Variants in RBFOX3 observed in about 807,000 individuals in gnomAD.
The protein encoded by RBFOX3 is RNA binding protein fox-1 homolog 3.
A neutral mutation model predicts 48.7 loss-of-function variants in RBFOX3; 17 were observed. That is an observed-to-expected ratio of 0.35 (90% CI 0.24 to 0.52). The LOEUF is 0.52. RBFOX3 is among the 20% of genes least tolerant of loss of function. RBFOX3 has a pLI of 0.94. For synonymous variants in RBFOX3, 212 were observed against 209.5 expected (o/e 1.01, Z -0.10); for missense variants, 382 against 497.5 (o/e 0.77, Z 2.21).
chr17:79,509,055 G>A (rs1462644092), intron 1 of RBFOX3, among the ~76,000 whole-genome samples: 1 of 152,202 alleles, frequency 6.6e-6, no homozygotes, highest in African/African-American at 2.4e-5. Flanking sequence ...GCCCAGGGCA[G>A]GCAGACACTA....
At chr17:79,181,398 C>T (rs1005546035) in intron 4 of RBFOX3, among the ~76,000 whole-genome samples, 2 of 152,236 alleles carry the variant, frequency 1.3e-5, no homozygotes, top group African/African-American at 4.8e-5. Flanking sequence ...CATGGAAAAC[C>T]GGGAGGGGCT....
rs928281399 is a variant in RBFOX3, at chr17:79,111,962, C to T, written c.222+3532G>A. ...TTTGTCCAGAGAAGGCAGGTGATGT[C>T]GTGGTGAGCGGTGAGAGAAACGGAG... On this transcript the variant is annotated intron_variant, in intron 5 of 14. Transcript: ENST00000693108. This position sits in a 1 kb window ranked among gnomAD's most constrained non-coding sequence, Gnocchi z 4.2. 3.3e-5 allele frequency among the ~76,000 whole-genome samples: 5 copies of T among 152,216 alleles called. No homozygotes were observed. The highest frequency in any genetic ancestry group is 1.3e-4 in the Admixed American group (2 of 15,290).
intron 2 of RBFOX3, among the ~76,000 whole-genome samples, chr17:79,455,536 C>T (rs2074324051): frequency 6.6e-6 from 1 of 152,096 alleles, no homozygotes; most frequent in African/African-American, 2.4e-5. Flanking sequence ...AACCTTTGAG[C>T]AGAGGCCAGG....
chr17:79,382,374 C>G (rs2060031041), intron 2 of RBFOX3, among the ~76,000 whole-genome samples: 2 of 152,348 alleles, frequency 1.3e-5, no homozygotes, highest in Admixed American at 6.5e-5. Flanking sequence ...TTGTGTCCCA[C>G]CAACTGCGTT....
In RBFOX3 at chr17:79,090,787, G is replaced by T; in HGVS notation, c.*96C>A. ...TTGGTTGGTTTTTTTTTTGTTGCTTGGATCTTAACATCTTTTTTTGTTTTT... is the reference window on the plus strand; with the variant it reads ...TTGGTTGGTTTTTTTTTTGTTGCTTTGATCTTAACATCTTTTTTTGTTTTT... On this transcript the variant is annotated 3_prime_UTR_variant, in exon 15 of 15. Transcript: ENST00000693108. The T allele has an allele frequency of 4.4e-6, 6 of 1,348,948 alleles. No homozygotes were observed. The highest frequency in any genetic ancestry group is 1.4e-5 in the South Asian group (1 of 70,138). The allele number at this position is 1,348,948 out of a possible 1,614,324, so 83.6% of individuals were successfully genotyped here. A position where few individuals can be genotyped will look rare whatever the true frequency, so the allele number is the denominator to read the frequency against.
intron 2 of RBFOX3, among the ~76,000 whole-genome samples, chr17:79,433,781 G>A (rs1279057924): frequency 4.0e-5 from 6 of 150,994 alleles, no homozygotes; most frequent in Non-Finnish European, 8.8e-5. Flanking sequence ...TCAAGTCACC[G>A]TCCACACTGG....
rs893837817 is a variant in RBFOX3 at position 79,471,511 on chromosome 17, G to A, written c.-175+10943C>T. ...GTCACCCCTGGCCTGAGGGACATTT[G>A]TTTTGGTGGCTGAGGCAGCCGCCAG... is the stretch of plus-strand genomic sequence containing the variant. On this transcript the variant is annotated intron_variant, in intron 2 of 14. Transcript: ENST00000693108. This position sits in a 1 kb window ranked among gnomAD's most constrained non-coding sequence, Gnocchi z 4.0. Among the ~76,000 whole-genome samples the A allele has an allele frequency of 7.9e-5, 12 of 152,194 alleles. No homozygotes were observed. The highest frequency in any genetic ancestry group is 2.4e-4 in the African/African-American group (10 of 41,444).
chr17:79,097,627 C>T, intron 10 of RBFOX3, 65 bp downstream of exon 10: 4 of 1,341,826 alleles, frequency 3.0e-6, no homozygotes, highest in South Asian at 1.3e-5. Context: ...GCCCCCAGAG[C>T]CCCCGGAGCC....
At chr17:79,367,550 A>G (rs1019170652) in intron 2 of RBFOX3, among the ~76,000 whole-genome samples, 7 of 152,126 alleles carry the variant, frequency 4.6e-5, no homozygotes, top group African/African-American at 1.4e-4. Flanking sequence ...GAGAAGACAC[A>G]CAGTAAGAAG....
chr17:79,456,126 A>C, intron 2 of RBFOX3, among the ~76,000 whole-genome samples: 1 of 152,192 alleles, frequency 6.6e-6, no homozygotes, highest in Admixed American at 6.5e-5. Context: ...CCAAGCCTGA[A>C]GGACATCACA....
intron 2 of RBFOX3, among the ~76,000 whole-genome samples, chr17:79,380,198 A>C (rs1598443454): frequency 5.0e-5 from 6 of 120,958 alleles, no homozygotes; most frequent in South Asian, 2.7e-4. Context: ...CCCCCTTGCC[A>C]CCCCTCCCCC....
At chr17:79,372,083 C>T (rs2058624775) in intron 2 of RBFOX3, among the ~76,000 whole-genome samples, 1 of 152,048 alleles carries the variant, frequency 6.6e-6, no homozygotes, top group African/African-American at 2.4e-5. Context: ...TGAATGCACC[C>T]TCTAAACGCC....
chr17:79,450,515 C>T (rs1249337622), intron 2 of RBFOX3, among the ~76,000 whole-genome samples: 1 of 148,766 alleles, frequency 6.7e-6, no homozygotes, highest in South Asian at 2.2e-4. Context: ...CAAGTTCATC[C>T]AAACACAGAC....
chr17:79,126,393 C>A (rs1416846722), intron 4 of RBFOX3, among the ~76,000 whole-genome samples: 2 of 152,188 alleles, frequency 1.3e-5, no homozygotes, highest in Admixed American at 6.5e-5. Context: ...GCACCCCTGC[C>A]CGGCCCACAG....
chr17:79,505,909 T>C (rs1410984480), intron 1 of RBFOX3, among the ~76,000 whole-genome samples: 1 of 152,216 alleles, frequency 6.6e-6, no homozygotes, highest in Non-Finnish European at 1.5e-5. Flanking sequence ...GCATGGCCCC[T>C]ATGTTATAGC....
chr17:79,560,191 G>T (rs2092115792), intron 1 of RBFOX3, among the ~76,000 whole-genome samples: 2 of 152,064 alleles, frequency 1.3e-5, no homozygotes, highest in African/African-American at 4.8e-5. Context: ...AAAAGACTGA[G>T]TGTAGAAGTG....
chr17:79,437,125 C>CCGCTTTCT (rs782175952), intron 2 of RBFOX3, among the ~76,000 whole-genome samples: 54 of 152,280 alleles, frequency 3.5e-4, no homozygotes, highest in Non-Finnish European at 6.0e-4. Context: ...CTTTGAGCCT[C>CCGCTTTCT]CGCTTTCTCT....
rs1435149440 is a variant in RBFOX3 at position 79,263,712 on chromosome 17, C to T, written c.-73-27907G>A. Among the ~76,000 whole-genome samples the T allele has an allele frequency of 3.9e-5, 6 of 152,290 alleles. No homozygotes were observed. The South Asian group carries it at 8.3e-4, about 21-fold the overall frequency. Reference sequence around the variant, plus strand: ...GGACTCTGCGTGTTGTTGCCTAGAACGGTGCCTGACACACAGGGGGCAGCC... The same window carrying T: ...GGACTCTGCGTGTTGTTGCCTAGAATGGTGCCTGACACACAGGGGGCAGCC... On this transcript the variant is annotated intron_variant, in intron 3 of 14. Coordinates refer to ENST00000693108, the MANE Select transcript of RBFOX3 (RefSeq NM_001350451.2).
intron 4 of RBFOX3, among the ~76,000 whole-genome samples, chr17:79,181,962 A>AAC (rs56842759): frequency 0.013 from 1,890 of 148,352 alleles, 14 homozygotes; most frequent in African/African-American, 0.019. Context: ...GTCTCCAAGA[A>AAC]ACACACACAC....
Sources: allele counts gnomAD v4.1 joint callset (sites outside exome capture counted in the v4.1 genomes callset), GRCh38; gene constraint gnomAD v4.1.1; non-coding constraint Gnocchi (gnomAD v3.1); transcripts MANE v1.5; gene names NCBI Gene and HGNC (gene_info 2026-07-23, HGNC 2026-07-21).